The following NRG1 variants were observed in gnomAD, a reference collection of about 807,000 sequenced individuals.
The protein encoded by NRG1 is neuregulin 1.
A neutral mutation model predicts 63.8 loss-of-function variants in NRG1; 18 were observed. That is an observed-to-expected ratio of 0.28 (90% CI 0.19 to 0.42). NRG1 has a LOEUF of 0.42. Among genes scored for constraint, NRG1 ranks in the 10% least tolerant of loss-of-function variants. The pLI is 1.00. For missense variants in NRG1, 762 were observed against 814.7 expected (o/e 0.94, Z 0.79); for synonymous variants, 302 against 301.3 (o/e 1.00, Z -0.02).
At chr8:32,082,365 C>T (rs994088309) in intron 1 of NRG1, among the ~76,000 whole-genome samples, 2 of 152,014 alleles carry the variant, frequency 1.3e-5, no homozygotes, top group African/African-American at 2.4e-5. Context: ...TCCTCCTACC[C>T]TCCACCCTCC....
intron 1 of NRG1, among the ~76,000 whole-genome samples, chr8:32,298,942 G>T (rs900387721): frequency 4.8e-5 from 7 of 145,194 alleles, no homozygotes; most frequent in African/African-American, 1.8e-4. Flanking sequence ...CAGGAGAATT[G>T]CTTGAACCAG....
At chr8:31,747,442 T>A (rs906976376) in intron 1 of NRG1, among the ~76,000 whole-genome samples, 1 of 152,000 alleles carries the variant, frequency 6.6e-6, no homozygotes, top group Non-Finnish European at 1.5e-5. Context: ...AGTGACAAAT[T>A]CGGAAATGGA....
At chr8:32,452,995 C>T (rs183728144) in intron 1 of NRG1, among the ~76,000 whole-genome samples, 1 of 152,260 alleles carries the variant, frequency 6.6e-6, no homozygotes, top group East Asian at 1.9e-4. Flanking sequence ...TAGAATGCCA[C>T]TCTCCATTGA....
chr8:32,135,241 C>T (rs114943181), intron 1 of NRG1, among the ~76,000 whole-genome samples: 1 of 152,276 alleles, frequency 6.6e-6, no homozygotes, highest in African/African-American at 2.4e-5. Flanking sequence ...TAGCAGAATA[C>T]ATTGGAGAAG....
intron 1 of NRG1, among the ~76,000 whole-genome samples, chr8:31,723,078 CATCTT>C (rs1445069428): frequency 2.6e-5 from 4 of 152,142 alleles, no homozygotes; most frequent in East Asian, 1.9e-4. Context: ...AGGCAGAACT[CATCTT>C]AGTAAAACTG....
At chr8:31,680,729 A>G (rs1808252959) in intron 1 of NRG1, among the ~76,000 whole-genome samples, 2 of 151,986 alleles carry the variant, frequency 1.3e-5, no homozygotes, top group Admixed American at 1.3e-4. Context: ...GACTTCCACA[A>G]TGGTTGAACT....
chr8:32,666,801 G>A (rs769924889), intron 5 of NRG1, among the ~76,000 whole-genome samples: 4 of 152,108 alleles, frequency 2.6e-5, no homozygotes, highest in African/African-American at 9.7e-5. Context: ...CCACCCTCCA[G>A]TCCCTGGCAA....
intron 1 of NRG1, among the ~76,000 whole-genome samples, chr8:32,283,695 T>C (rs1375624600): frequency 6.6e-5 from 10 of 152,192 alleles, no homozygotes. Flanking sequence ...TTAGAGTTTC[T>C]CTAATAGGGG....
chr8:32,359,789 G>A (rs1185253730), intron 1 of NRG1, among the ~76,000 whole-genome samples: 1 of 152,132 alleles, frequency 6.6e-6, no homozygotes, highest in Non-Finnish European at 1.5e-5. Flanking sequence ...GTTATTGTAA[G>A]GTATTCCAGT....
At chr8:32,297,549 A>C (rs979248191) in intron 1 of NRG1, among the ~76,000 whole-genome samples, 1 of 152,220 alleles carries the variant, frequency 6.6e-6, no homozygotes, top group Non-Finnish European at 1.5e-5. Flanking sequence ...CTTTCCTTGG[A>C]CCCTTTCCAG....
At chr8:32,223,628 G>A (rs759451175) in intron 1 of NRG1, among the ~76,000 whole-genome samples, 1 of 152,124 alleles carries the variant, frequency 6.6e-6, no homozygotes. Context: ...ATGCACTGTT[G>A]TGTATTTTTG....
chr8:32,684,357 C>T (rs1477772698), intron 5 of NRG1, among the ~76,000 whole-genome samples: 2 of 152,064 alleles, frequency 1.3e-5, no homozygotes, highest in East Asian at 1.9e-4. Flanking sequence ...TTGCTTTTGA[C>T]CTGTGTCATT....
At chr8:31,979,822 A>G (rs760989653) in intron 1 of NRG1, among the ~76,000 whole-genome samples, 5 of 152,098 alleles carry the variant, frequency 3.3e-5, no homozygotes, top group Non-Finnish European at 7.4e-5. Flanking sequence ...CAAGAACTTA[A>G]TAACACTAAT....
intron 1 of NRG1, among the ~76,000 whole-genome samples, chr8:31,975,094 A>G (rs1159689287): frequency 6.6e-6 from 1 of 152,156 alleles, no homozygotes; most frequent in Non-Finnish European, 1.5e-5. Flanking sequence ...GCAAATAATT[A>G]TAATAGTGTA....
chr8:31,763,288 A>G (rs887808289), intron 1 of NRG1, among the ~76,000 whole-genome samples: 8 of 152,364 alleles, frequency 5.3e-5, no homozygotes, highest in South Asian at 4.1e-4. Context: ...TTAAATGCAT[A>G]TATGACATTT....
At chr8:31,919,914 T>A (rs1227704893) in intron 1 of NRG1, among the ~76,000 whole-genome samples, 1 of 152,148 alleles carries the variant, frequency 6.6e-6, no homozygotes. Flanking sequence ...AAATTGAGAA[T>A]GTTTGTGTGG....
intron 1 of NRG1, among the ~76,000 whole-genome samples, chr8:32,291,118 T>C (rs556746493): frequency 1.3e-5 from 2 of 152,294 alleles, no homozygotes; most frequent in East Asian, 3.9e-4. Flanking sequence ...AAGGAGAAGT[T>C]CTTTCTTATT....
At chr8:32,117,528 G>A (rs1832896428) in intron 1 of NRG1, among the ~76,000 whole-genome samples, 1 of 151,746 alleles carries the variant, frequency 6.6e-6, no homozygotes, top group Admixed American at 6.6e-5. Flanking sequence ...GGTTTCCTTT[G>A]TCTTTCTCCA....
rs141124715 is a variant in NRG1, at chr8:32,330,167, A to G, written c.38-265661A>G. On this transcript the variant is annotated intron_variant, in intron 1 of 10. Transcript: ENST00000519301. ...TCCTGCCTTACCTGGGATTACAGGCATGCACCTTGTGTCTCACTAATAGAT... is the reference window on the plus strand; with the variant it reads ...TCCTGCCTTACCTGGGATTACAGGCGTGCACCTTGTGTCTCACTAATAGAT... Among the ~76,000 whole-genome samples, 1,104 of 150,326 alleles carry G rather than the reference A, an allele frequency of 7.3e-3. 15 individuals are homozygous for G. The highest frequency in any genetic ancestry group is 0.026 in the African/African-American group (1,057 of 40,982).
Sources: allele counts gnomAD v4.1 joint callset (sites outside exome capture counted in the v4.1 genomes callset), GRCh38; gene constraint gnomAD v4.1.1; transcripts MANE v1.5; gene names NCBI Gene and HGNC (gene_info 2026-07-23, HGNC 2026-07-21).